CHD7: variants seen among roughly 807,000 people sequenced by gnomAD.
CHD7 encodes the protein chromodomain helicase DNA binding protein 7, also known as ATP-dependent chromatin remodeler CHD7.
Under a neutral mutation model 307.3 loss-of-function variants are expected in CHD7, and 24 were observed. The observed-to-expected ratio is 0.08, with a 90% CI of 0.06 to 0.11. CHD7 has a LOEUF of 0.11. Among genes scored for constraint, CHD7 ranks in the 10% least tolerant of loss-of-function variants. CHD7 has a pLI of 1.00. For missense variants in CHD7, 3,106 were observed against 3,727.1 expected (o/e 0.83, Z 4.34); for synonymous variants, 1,363 against 1,349.9 (o/e 1.01, Z -0.21).
At chr8:60,719,754 A>G (rs1295188676) in intron 1 of CHD7, among the ~76,000 whole-genome samples, 1 of 152,206 alleles carries the variant, frequency 6.6e-6, no homozygotes, top group African/African-American at 2.4e-5. Context: ...TTGTGAGATG[A>G]GAAAATCCGG....
At chr8:60,828,973 G>T (rs758623754) in intron 14 of CHD7, among the ~76,000 whole-genome samples, 167 bp downstream of exon 14, 1 of 152,102 alleles carries the variant, frequency 6.6e-6, no homozygotes, top group Non-Finnish European at 1.5e-5. Context: ...TCATCATAAA[G>T]GTTTTCTTCT....
At chr8:60,808,849 G>A (rs886120336) in intron 7 of CHD7, 1 of 152,422 alleles carries the variant, frequency 6.6e-6, no homozygotes. Context: ...ACCTGGCCCA[G>A]ACAGATATTG....
intron 2 of CHD7, among the ~76,000 whole-genome samples, chr8:60,744,158 A>T (rs1041606212): frequency 1.3e-5 from 2 of 152,184 alleles, no homozygotes; most frequent in African/African-American, 4.8e-5. Flanking sequence ...AGACTGGGGG[A>T]TGGTTTGCTA....
At chr8:60,748,168 T>C (rs1057084721) in intron 2 of CHD7, among the ~76,000 whole-genome samples, 1 of 152,198 alleles carries the variant, frequency 6.6e-6, no homozygotes. Flanking sequence ...AGATCAGCAC[T>C]GATCTTTAAA....
chr8:60,755,977 A>T (rs1343551884), intron 2 of CHD7, among the ~76,000 whole-genome samples: 2 of 152,248 alleles, frequency 1.3e-5, no homozygotes, highest in Non-Finnish European at 2.9e-5. Flanking sequence ...ATATTTGCTC[A>T]GTCCAATATG....
chr8:60,692,332 G>C (rs1586169204), intron 1 of CHD7, among the ~76,000 whole-genome samples: 1 of 152,220 alleles, frequency 6.6e-6, no homozygotes, highest in East Asian at 1.9e-4. Context: ...AAGATAGATT[G>C]CTTTGTATTT....
chr8:60,706,966 C>T (rs1241934662), intron 1 of CHD7, among the ~76,000 whole-genome samples: 2 of 152,152 alleles, frequency 1.3e-5, no homozygotes. Context: ...CTATTCCTCC[C>T]TGCTCCCCCC....
chr8:60,755,604 T>TTTC (rs1002468059), intron 2 of CHD7, among the ~76,000 whole-genome samples: 1 of 152,162 alleles, frequency 6.6e-6, no homozygotes, highest in Non-Finnish European at 1.5e-5. Flanking sequence ...AGAAAACCTA[T>TTTC]TTATCTAATG....
At chr8:60,723,341 G>A (rs529016930) in intron 1 of CHD7, among the ~76,000 whole-genome samples, 17 of 152,148 alleles carry the variant, frequency 1.1e-4, no homozygotes, top group African/African-American at 3.1e-4. Context: ...CTGTATAACC[G>A]TAGTTTTTCA....
At chr8:60,777,554 G>C (rs1811009496) in intron 2 of CHD7, among the ~76,000 whole-genome samples, 1 of 152,266 alleles carries the variant, frequency 6.6e-6, no homozygotes, top group African/African-American at 2.4e-5. Flanking sequence ...GGTTGGATTT[G>C]CTTAAAAGAA....
intron 17 of CHD7, among the ~76,000 whole-genome samples, 188 bp from the exon 18 acceptor site, chr8:60,837,480 C>T (rs1026429377): frequency 6.6e-6 from 1 of 152,150 alleles, no homozygotes; most frequent in African/African-American, 2.4e-5. Context: ...AGAGAGCCAG[C>T]TCTCTCGCCT....
intron 17 of CHD7, 99 bp downstream of exon 17, chr8:60,837,111 T>A: frequency 1.1e-6 from 1 of 914,080 alleles, no homozygotes; most frequent in South Asian, 1.8e-5. Flanking sequence ...TGTTGCGTCG[T>A]CACTCAGGCT....
chr8:60,844,683 G>A (rs1302310187), intron 21 of CHD7, among the ~76,000 whole-genome samples, 181 bp from the exon 22 acceptor site: 1 of 152,192 alleles, frequency 6.6e-6, no homozygotes, highest in Non-Finnish European at 1.5e-5. Context: ...AGTGAACTGA[G>A]GGGCAGCTTA....
At chr8:60,819,880 T>C (rs892991728) in intron 8 of CHD7, 127 bp from the exon 9 acceptor site, 6 of 653,100 alleles carry the variant, frequency 9.2e-6, no homozygotes, top group South Asian at 2.0e-5. Flanking sequence ...ATTAATATAA[T>C]AGAATTTGCC....
At chr8:60,735,812 A>G (rs1339600368) in intron 1 of CHD7, among the ~76,000 whole-genome samples, 1 of 152,162 alleles carries the variant, frequency 6.6e-6, no homozygotes, top group Non-Finnish European at 1.5e-5. Context: ...TTTCCATGTA[A>G]TTTTCTGCAG....
intron 26 of CHD7, 179 bp downstream of exon 26, chr8:60,850,801 G>C: frequency 2.7e-6 from 2 of 753,404 alleles, no homozygotes; most frequent in Non-Finnish European, 4.3e-6. Context: ...ACATTATCTT[G>C]ATAATCTGAA....
intron 1 of CHD7, among the ~76,000 whole-genome samples, chr8:60,716,650 T>C (rs1427694800): frequency 6.6e-6 from 1 of 152,258 alleles, no homozygotes; most frequent in African/African-American, 2.4e-5. Context: ...TTTTTCTCTC[T>C]TACTTTCCTT....
At chr8:60,813,002 A>G (rs1812883700) in intron 7 of CHD7, among the ~76,000 whole-genome samples, 3 of 152,254 alleles carry the variant, frequency 2.0e-5, no homozygotes, top group Admixed American at 2.0e-4. Flanking sequence ...ATTGTGTTAA[A>G]TTTACAAATG....
Position 60,824,123 on chromosome 8 carries a change from G to A in CHD7, c.3378+107G>A, listed in dbSNP as rs1030024581. 7 of 965,480 alleles carry A rather than the reference G, an allele frequency of 7.3e-6. No individual in the cohort carries two copies. In the East Asian group the frequency reaches 1.7e-4, roughly 23 times the overall value. 59.8% of individuals were successfully genotyped at this position (965,480 alleles called of 1,614,324 possible). A position where few individuals can be genotyped will look rare whatever the true frequency, so the allele number is the denominator to read the frequency against. ...CCTGTAAACAGTATTTGAAAAGCTTGTCAAATATTGTGATATATTCTCTGG... is the reference window on the plus strand; with the variant it reads ...CCTGTAAACAGTATTTGAAAAGCTTATCAAATATTGTGATATATTCTCTGG... On this transcript the variant is annotated intron_variant, in intron 13 of 37. Coordinates refer to ENST00000423902, the MANE Select transcript of CHD7 (RefSeq NM_017780.4).
Sources: gnomAD v4.1 joint callset for allele counts (sites outside exome capture counted in the v4.1 genomes callset) on GRCh38, gnomAD v4.1.1 for gene constraint, MANE v1.5 for transcripts, NCBI Gene and HGNC (gene_info 2026-07-23, HGNC 2026-07-21) for gene names.